GRM7: variants seen among roughly 807,000 people sequenced by gnomAD.
The protein encoded by GRM7 is metabotropic glutamate receptor 7.
A neutral mutation model predicts 84.5 loss-of-function variants in GRM7; 35 were observed. That is an observed-to-expected ratio of 0.41 (90% CI 0.32 to 0.55). The LOEUF (loss-of-function observed/expected upper bound fraction) is 0.55, where lower values mean the gene tolerates loss of function less well. Ranked by LOEUF, GRM7 falls within the 20% of genes least tolerant of loss-of-function variation. GRM7 has a pLI of 0.19. For missense variants in GRM7, 1,003 were observed against 1,194.6 expected (o/e 0.84, Z 2.36); for synonymous variants, 487 against 455.1 (o/e 1.07, Z -0.89).
At chr3:7,456,695 CTT>C (rs35400642) in intron 6 of GRM7, among the ~76,000 whole-genome samples, 35 of 148,100 alleles carry the variant, frequency 2.4e-4, no homozygotes, top group Non-Finnish European at 3.0e-4. Context: ...TTCTCTCTCT[CTT>C]TTTTTTTTTG....
chr3:6,942,413 C>G (rs1391000834), intron 1 of GRM7, among the ~76,000 whole-genome samples: 1 of 152,070 alleles, frequency 6.6e-6, no homozygotes, highest in Non-Finnish European at 1.5e-5. Flanking sequence ...AAACTTCCTC[C>G]TGTGTCTTCT....
intron 4 of GRM7, among the ~76,000 whole-genome samples, chr3:7,388,099 TTGG>T (rs1694855309): frequency 6.6e-6 from 1 of 152,156 alleles, no homozygotes; most frequent in Non-Finnish European, 1.5e-5. Context: ...TTGAATGTTA[TTGG>T]TGGATAGAAA....
rs192703047 is a variant in GRM7 at position 7,217,491 on chromosome 3, C to T, written c.736+70823C>T. Reference sequence around the variant, plus strand: ...AAAAAAAATTACCAAGGCTCTTATACCTTCTATTTCACTTAGAATGCATTT... The same window carrying T: ...AAAAAAAATTACCAAGGCTCTTATATCTTCTATTTCACTTAGAATGCATTT... On this transcript the variant is annotated intron_variant, in intron 2 of 9. Transcript: ENST00000357716. 3.0e-3 allele frequency among the ~76,000 whole-genome samples: 453 copies of T among 152,134 alleles called. 2 individuals carry two copies. Among genetic ancestry groups the T allele is most frequent in the Non-Finnish European group, 4.4e-3 (302 of 67,980 alleles).
rs896559020 is a variant in GRM7 at position 7,079,523 on chromosome 3, T to C, written c.520-66929T>C. On this transcript the variant is annotated intron_variant, in intron 1 of 9. Coordinates refer to ENST00000357716, the MANE Select transcript of GRM7 (RefSeq NM_000844.4). ...TACGTTTGAAACATTTCTTTTTTTTTATTTAAAAATAATTCAAATTGACTC... is the reference window on the plus strand; with the variant it reads ...TACGTTTGAAACATTTCTTTTTTTTCATTTAAAAATAATTCAAATTGACTC... Among the ~76,000 whole-genome samples, 3 of 151,576 alleles carry C rather than the reference T, an allele frequency of 2.0e-5. No individual in the cohort carries two copies. The East Asian group carries it at 5.8e-4, about 29-fold the overall frequency.
chr3:7,479,930 A>G (rs1281438904), intron 7 of GRM7, among the ~76,000 whole-genome samples: 1 of 152,216 alleles, frequency 6.6e-6, no homozygotes, highest in Non-Finnish European at 1.5e-5. Flanking sequence ...TTACCTTGCT[A>G]CTGTGGCAAC....
chr3:7,687,639 A>G (rs926372723), intron 9 of GRM7, among the ~76,000 whole-genome samples: 8 of 152,222 alleles, frequency 5.3e-5, no homozygotes, highest in Admixed American at 5.2e-4. Context: ...GGAGGGGAAA[A>G]ATATTGCTTA....
intron 5 of GRM7, among the ~76,000 whole-genome samples, chr3:7,435,217 A>G (rs1300637459): frequency 6.6e-6 from 1 of 151,064 alleles, no homozygotes; most frequent in Non-Finnish European, 1.5e-5. Context: ...TGGCTGGAGT[A>G]CAGTGCCTTG....
chr3:6,861,877 C>T lies in GRM7; in HGVS notation c.489C>T (p.Ile163=). ...VIGASGSSVS[I]MVANILRLFQ... is the part of the protein sequence containing the mutation. ...GGGCTTCGGGGAGTTCGGTCTCCAT[C>T]ATGGTAGCCAACATCCTGAGGCTCT... Residue 163 remains isoleucine, a synonymous_variant, in exon 1 of 10, where the codon ATC becomes ATT. Transcript: ENST00000357716. The surrounding 1 kb of genome is among the most constrained non-coding windows in gnomAD (Gnocchi z 6.4). The T allele has an allele frequency of 1.9e-6, 3 of 1,613,108 alleles. No homozygotes were observed. Among genetic ancestry groups the T allele is most frequent in the Non-Finnish European group, 2.5e-6 (3 of 1,179,378 alleles).
At position 7,084,174 on chromosome 3, in the gene GRM7, G is replaced by A. The variant is rs146440360; in HGVS notation, c.520-62278G>A. 5.3e-5 allele frequency among the ~76,000 whole-genome samples: 8 copies of A among 152,214 alleles called. No individual in the cohort carries two copies. The East Asian group carries it at 1.6e-3, about 29-fold the overall frequency. ...TCTGGAAAACAGACTCCAAGGGAGCGAGGGCTGAAAAGGAGAAGTCAGAAG... is the reference window on the plus strand; with the variant it reads ...TCTGGAAAACAGACTCCAAGGGAGCAAGGGCTGAAAAGGAGAAGTCAGAAG... On this transcript the variant is annotated intron_variant, in intron 1 of 9. Transcript: ENST00000357716.
intron 1 of GRM7, among the ~76,000 whole-genome samples, chr3:7,050,465 CAT>C (rs1696954071): frequency 6.6e-6 from 1 of 151,882 alleles, no homozygotes; most frequent in South Asian, 2.1e-4. Flanking sequence ...CATCTAAACA[CAT>C]GTTATATCCA....
chr3:7,448,056 A>T (rs1697599763), intron 5 of GRM7, among the ~76,000 whole-genome samples: 1 of 151,834 alleles, frequency 6.6e-6, no homozygotes, highest in East Asian at 1.9e-4. Context: ...AGTTTCATCC[A>T]TGTCCCTACA....
At chr3:7,399,801 G>A (rs778285628) in intron 4 of GRM7, among the ~76,000 whole-genome samples, 15 of 152,024 alleles carry the variant, frequency 9.9e-5, no homozygotes, top group Non-Finnish European at 1.2e-4. Context: ...CCAGCTCCCC[G>A]TCCCTTCCTG....
chr3:7,034,546 C>T (rs1361022338), intron 1 of GRM7, among the ~76,000 whole-genome samples: 9 of 152,116 alleles, frequency 5.9e-5, no homozygotes, highest in South Asian at 2.1e-4. Flanking sequence ...CATACATATA[C>T]GTACACACAT....
At chr3:7,488,040 G>T (rs1265896782) in intron 7 of GRM7, among the ~76,000 whole-genome samples, 1 of 152,146 alleles carries the variant, frequency 6.6e-6, no homozygotes, top group African/African-American at 2.4e-5. Flanking sequence ...AGATTATTCT[G>T]GAGCTTTAAG....
At chr3:6,868,920 G>A (rs1422662105) in intron 1 of GRM7, among the ~76,000 whole-genome samples, 1 of 152,054 alleles carries the variant, frequency 6.6e-6, no homozygotes, top group Non-Finnish European at 1.5e-5. Flanking sequence ...TTGTGCTTTT[G>A]TCATTCCACG....
At chr3:7,356,279 T>A (rs1162129635) in intron 4 of GRM7, among the ~76,000 whole-genome samples, 6 of 151,660 alleles carry the variant, frequency 4.0e-5, no homozygotes, top group Admixed American at 4.0e-4. Context: ...CATCAAAAGG[T>A]GACATCAGCA....
chr3:7,441,168 A>G (rs897298150), intron 5 of GRM7, among the ~76,000 whole-genome samples: 1 of 151,980 alleles, frequency 6.6e-6, no homozygotes, highest in African/African-American at 2.4e-5. Flanking sequence ...TGACCATTTA[A>G]TAATAGCCAT....
chr3:7,116,002 G>C (rs1559451095), intron 1 of GRM7, among the ~76,000 whole-genome samples: 1 of 152,074 alleles, frequency 6.6e-6, no homozygotes. Context: ...TCTTCCAGAG[G>C]GCTCTTATGC....
At chr3:7,126,448 C>T (rs900469233) in intron 1 of GRM7, among the ~76,000 whole-genome samples, 1 of 152,176 alleles carries the variant, frequency 6.6e-6, no homozygotes, top group African/African-American at 2.4e-5. Context: ...ACCCTAGTCA[C>T]ATATGACATA....
Sources: gnomAD v4.1 joint callset for allele counts (sites outside exome capture counted in the v4.1 genomes callset) on GRCh38, gnomAD v4.1.1 for gene constraint, Gnocchi (gnomAD v3.1) non-coding constraint, MANE v1.5 for transcripts, NCBI Gene and HGNC (gene_info 2026-07-23, HGNC 2026-07-21) for gene names.